The following KIAA1328 variants were observed in gnomAD, a reference collection of about 807,000 sequenced individuals.
KIAA1328 encodes the protein KIAA1328, also known as protein hinderin.
Under a neutral mutation model 68.1 loss-of-function variants are expected in KIAA1328, and 52 were observed. The ratio of observed to expected loss-of-function variants is 0.76; its 90% confidence interval spans 0.61 to 0.96. KIAA1328 has a LOEUF of 0.96. Among genes scored for constraint, KIAA1328 ranks in the 40% least tolerant of loss-of-function variants. KIAA1328 has a pLI of 0.00. For missense variants in KIAA1328, 641 were observed against 677.6 expected, an observed-to-expected ratio of 0.95 and a Z score of 0.60; for synonymous variants, 232 against 239.4, an observed-to-expected ratio of 0.97 and a Z score of 0.28.
chr18:37,208,258 T>G (rs2060253617), intron 9 of KIAA1328, among the ~76,000 whole-genome samples: 1 of 152,110 alleles, frequency 6.6e-6, no homozygotes, highest in African/African-American at 2.4e-5. Flanking sequence ...AAACCAAGCT[T>G]GAAGGATAAT....
chr18:36,864,527 T>C (rs2047678310), intron 4 of KIAA1328, among the ~76,000 whole-genome samples: 1 of 151,988 alleles, frequency 6.6e-6, no homozygotes, highest in African/African-American at 2.4e-5. Context: ...TTATAATTGT[T>C]TTTATGTGTT....
chr18:36,871,963 G>A (rs759079926), intron 4 of KIAA1328, among the ~76,000 whole-genome samples: 1 of 152,090 alleles, frequency 6.6e-6, no homozygotes, highest in Non-Finnish European at 1.5e-5. Context: ...GGCCCCACTT[G>A]GTGAGAGCCC....
At chr18:36,913,177 C>T (rs1255513662) in intron 5 of KIAA1328, among the ~76,000 whole-genome samples, 1 of 151,808 alleles carries the variant, frequency 6.6e-6, no homozygotes, top group Admixed American at 6.6e-5. Flanking sequence ...TCTTCTCTTT[C>T]CCCCTTTCAA....
At chr18:37,119,039 AATT>A (rs2058198881) in intron 7 of KIAA1328, among the ~76,000 whole-genome samples, 1 of 152,300 alleles carries the variant, frequency 6.6e-6, no homozygotes, top group Admixed American at 6.5e-5. Context: ...AACATGAGTC[AATT>A]ACCATATTTC....
intron 6 of KIAA1328, among the ~76,000 whole-genome samples, chr18:37,064,171 G>A (rs1036260310): frequency 3.9e-5 from 6 of 152,146 alleles, no homozygotes; most frequent in African/African-American, 1.4e-4. Context: ...CTTGTCATCT[G>A]TTTGCTGTAC....
At chr18:37,071,819 G>T (rs1201140959) in intron 7 of KIAA1328, among the ~76,000 whole-genome samples, 3 of 152,116 alleles carry the variant, frequency 2.0e-5, no homozygotes, top group Non-Finnish European at 4.4e-5. Context: ...TATTTTATCA[G>T]TTTAAATTAA....
intron 4 of KIAA1328, among the ~76,000 whole-genome samples, chr18:36,847,170 A>G (rs1192562135): frequency 6.6e-6 from 1 of 151,532 alleles, no homozygotes; most frequent in Non-Finnish European, 1.5e-5. Context: ...CTCTTCTTCT[A>G]TTAATGGGCA....
chr18:36,843,729 T>A (rs915711689), intron 3 of KIAA1328, among the ~76,000 whole-genome samples: 1 of 152,186 alleles, frequency 6.6e-6, no homozygotes, highest in Non-Finnish European at 1.5e-5. Context: ...TGGCATGAAG[T>A]GAGCACTAGA....
intron 8 of KIAA1328, among the ~76,000 whole-genome samples, chr18:37,166,869 A>G (rs902561530): frequency 6.6e-6 from 1 of 152,258 alleles, no homozygotes; most frequent in African/African-American, 2.4e-5. Context: ...CAGATGATCT[A>G]GAATAAATAG....
intron 9 of KIAA1328, among the ~76,000 whole-genome samples, chr18:37,176,248 T>G (rs2059595186): frequency 6.6e-6 from 1 of 152,196 alleles, no homozygotes; most frequent in Non-Finnish European, 1.5e-5. Flanking sequence ...AGTAAAGGAA[T>G]GTTAACTATG....
chr18:36,921,319 T>C (rs2049913224), intron 5 of KIAA1328: 1 of 152,180 alleles, frequency 6.6e-6, no homozygotes, highest in African/African-American at 2.4e-5. Flanking sequence ...TCTTTGATTT[T>C]AAATTTCATA....
In KIAA1328 at chr18:37,061,939, ATTG is replaced by A. The variant is rs200713407; in HGVS notation, c.577-4947_577-4945del. 1.2e-3 allele frequency among the ~76,000 whole-genome samples: 181 copies of A among 152,254 alleles called. 3 individuals carry two copies. The East Asian group carries it at 0.029, about 24-fold the overall frequency. ...GATAAATATAGCTCTTTCCTTCAAA[ATTG>A]TTGAGTCAGAATTCAATGAGAAGAA... is the stretch of plus-strand genomic sequence containing the variant. On this transcript the variant is annotated intron_variant, in intron 6 of 9. Transcript: ENST00000280020.
At chr18:37,035,897 T>C (rs1480268749) in intron 6 of KIAA1328, among the ~76,000 whole-genome samples, 2 of 152,222 alleles carry the variant, frequency 1.3e-5, no homozygotes, top group Non-Finnish European at 2.9e-5. Context: ...TGTTACTCTT[T>C]TTTTCTCTCT....
At chr18:37,189,695 CTATAATCTCTCTT>C (rs2059868594) in intron 9 of KIAA1328, among the ~76,000 whole-genome samples, 1 of 152,178 alleles carries the variant, frequency 6.6e-6, no homozygotes, top group East Asian at 1.9e-4. Flanking sequence ...ATAAAACCAA[CTATAATCTCTCTT>C]TAGAGGGCTA....
chr18:37,067,705 G>A (rs563076052), intron 7 of KIAA1328, among the ~76,000 whole-genome samples, 160 bp downstream of exon 7: 274 of 151,948 alleles, frequency 1.8e-3, no homozygotes, highest in Non-Finnish European at 2.7e-3. Flanking sequence ...GATTACAGGC[G>A]CCCGCCACCA....
chr18:37,208,811 G>A (rs1288087513), intron 9 of KIAA1328, among the ~76,000 whole-genome samples: 2 of 152,166 alleles, frequency 1.3e-5, no homozygotes, highest in African/African-American at 4.8e-5. Context: ...ATATTGTGAA[G>A]CAAAAGCTCC....
At chr18:37,205,582 C>G (rs902900358) in intron 9 of KIAA1328, among the ~76,000 whole-genome samples, 1 of 152,168 alleles carries the variant, frequency 6.6e-6, no homozygotes, top group Non-Finnish European at 1.5e-5. Flanking sequence ...GTAGAAAGGA[C>G]ACAAATAGGT....
intron 6 of KIAA1328, among the ~76,000 whole-genome samples, chr18:37,064,487 T>A (rs2056271565): frequency 6.6e-6 from 1 of 152,084 alleles, no homozygotes; most frequent in Non-Finnish European, 1.5e-5. Context: ...GCTATTTCAA[T>A]TGTTTTAAAT....
intron 4 of KIAA1328, among the ~76,000 whole-genome samples, chr18:36,852,731 G>A (rs2047253420): frequency 6.6e-6 from 1 of 152,100 alleles, no homozygotes; most frequent in Admixed American, 6.6e-5. Context: ...TCATCCCTAT[G>A]TTCAGTCTAG....
Sources: gnomAD v4.1 joint callset for allele counts (sites outside exome capture counted in the v4.1 genomes callset) on GRCh38, gnomAD v4.1.1 for gene constraint, MANE v1.5 for transcripts, NCBI Gene and HGNC (gene_info 2026-07-23, HGNC 2026-07-21) for gene names.